The following CTIF variants were observed in gnomAD, a reference collection of about 807,000 sequenced individuals.
CTIF encodes the protein CBP80/20-dependent translation initiation factor.
A neutral mutation model predicts 66.0 loss-of-function variants in CTIF; 21 were observed. The observed-to-expected ratio is 0.32, with a 90% confidence interval of 0.23 to 0.46. The LOEUF (loss-of-function observed/expected upper bound fraction) is 0.46, where lower values mean the gene tolerates loss of function less well. Ranked by LOEUF, CTIF falls within the 20% of genes least tolerant of loss-of-function variation. The pLI is 1.00. For missense variants in CTIF, 739 were observed against 812.7 expected (o/e 0.91, Z 1.10); for synonymous variants, 345 against 326.4 (o/e 1.06, Z -0.62).
intron 6 of CTIF, among the ~76,000 whole-genome samples, chr18:48,679,818 G>A (rs543053597): frequency 9.8e-5 from 15 of 152,310 alleles, no homozygotes; most frequent in African/African-American, 3.6e-4. Flanking sequence ...CCATGCATTT[G>A]TGCCTCCTGG....
chr18:48,587,027 A>G (rs1183238323), intron 1 of CTIF, among the ~76,000 whole-genome samples: 13 of 150,796 alleles, frequency 8.6e-5, no homozygotes, highest in Non-Finnish European at 1.5e-5. Context: ...AACCTACACA[A>G]CCCACTGTGG....
At chr18:48,785,705 C>T (rs1911641703) in intron 9 of CTIF, among the ~76,000 whole-genome samples, 1 of 152,208 alleles carries the variant, frequency 6.6e-6, no homozygotes, top group Admixed American at 6.5e-5. Context: ...CTAGCTCTGA[C>T]CTCCGTGCCT....
chr18:48,738,423 C>G (rs1181147084), intron 7 of CTIF, among the ~76,000 whole-genome samples: 1 of 152,212 alleles, frequency 6.6e-6, no homozygotes, highest in Non-Finnish European at 1.5e-5. Flanking sequence ...TGATCTAGCT[C>G]TCACCACCTC....
intron 9 of CTIF, among the ~76,000 whole-genome samples, chr18:48,805,603 A>C (rs940878217): frequency 2.0e-5 from 3 of 152,220 alleles, no homozygotes; most frequent in Non-Finnish European, 2.9e-5. Flanking sequence ...GGGGGAAAAA[A>C]AATCCAATAA....
At chr18:48,681,699 C>T (rs1004259288) in intron 6 of CTIF, among the ~76,000 whole-genome samples, 1 of 152,196 alleles carries the variant, frequency 6.6e-6, no homozygotes, top group African/African-American at 2.4e-5. Context: ...TGCCAAGCCC[C>T]TGATCCAGCA....
intron 7 of CTIF, among the ~76,000 whole-genome samples, chr18:48,727,445 G>T (rs1479873544): frequency 6.6e-6 from 1 of 152,150 alleles, no homozygotes; most frequent in Non-Finnish European, 1.5e-5. Context: ...TGCTCAGATA[G>T]CTTCCTGCTG....
intron 3 of CTIF, among the ~76,000 whole-genome samples, chr18:48,652,473 C>G (rs1161612146): frequency 2.0e-5 from 3 of 152,096 alleles, no homozygotes; most frequent in Admixed American, 2.0e-4. Context: ...AACAGGCTCT[C>G]AAATTGAGGC....
At chr18:48,554,037 G>A (rs945043075) in intron 1 of CTIF, among the ~76,000 whole-genome samples, 9 of 152,168 alleles carry the variant, frequency 5.9e-5, no homozygotes, top group Non-Finnish European at 1.2e-4. Flanking sequence ...TGGATGGGAA[G>A]AGGCCTGCAG....
At chr18:48,685,898 A>G (rs942261891) in intron 6 of CTIF, among the ~76,000 whole-genome samples, 14 of 152,010 alleles carry the variant, frequency 9.2e-5, no homozygotes, top group Non-Finnish European at 2.1e-4. Context: ...GCTGATCTCA[A>G]GCTCCTGACC....
At chr18:48,582,298 G>T (rs1239302765) in intron 1 of CTIF, among the ~76,000 whole-genome samples, 5 of 152,222 alleles carry the variant, frequency 3.3e-5, no homozygotes, top group Non-Finnish European at 5.9e-5. Context: ...AGGGCAGGGA[G>T]GTCATGGACC....
At chr18:48,723,190 C>G (rs1001069739) in intron 7 of CTIF, among the ~76,000 whole-genome samples, 1 of 152,200 alleles carries the variant, frequency 6.6e-6, no homozygotes, top group African/African-American at 2.4e-5. Context: ...TGCTGGGCCC[C>G]TCCCTGGCTG....
intron 1 of CTIF, among the ~76,000 whole-genome samples, chr18:48,559,133 C>T (rs940313891): frequency 2.0e-5 from 3 of 152,088 alleles, no homozygotes; most frequent in African/African-American, 7.2e-5. Flanking sequence ...CTTCTCCTAA[C>T]TATCATCTTT....
At chr18:48,735,686 C>T (rs1379352740) in intron 7 of CTIF, among the ~76,000 whole-genome samples, 1 of 152,172 alleles carries the variant, frequency 6.6e-6, no homozygotes, top group African/African-American at 2.4e-5. Flanking sequence ...AGTTCCTACC[C>T]ATTTAGTTGG....
chr18:48,721,123 A>G (rs2092330965), intron 7 of CTIF, among the ~76,000 whole-genome samples: 1 of 152,184 alleles, frequency 6.6e-6, no homozygotes, highest in Non-Finnish European at 1.5e-5. Context: ...CTCTTTCTCG[A>G]TCACAATAAT....
At chr18:48,812,831 G>C (rs899863692) in intron 9 of CTIF, among the ~76,000 whole-genome samples, 3 of 151,906 alleles carry the variant, frequency 2.0e-5, no homozygotes, top group Admixed American at 6.6e-5. Context: ...GGGACTTCCG[G>C]AACACTGTGA....
At chr18:48,824,970 T>C (rs1271338342) in intron 10 of CTIF, among the ~76,000 whole-genome samples, 1 of 152,160 alleles carries the variant, frequency 6.6e-6, no homozygotes, top group Non-Finnish European at 1.5e-5. Flanking sequence ...CAAAGTTCCA[T>C]GCGCCTGTTT....
chr18:48,738,177 C>T (rs990266435), intron 7 of CTIF, among the ~76,000 whole-genome samples: 1 of 152,220 alleles, frequency 6.6e-6, no homozygotes, highest in East Asian at 1.9e-4. Flanking sequence ...AGTGGACCAT[C>T]AGCAGTTCCT....
chr18:48,759,144 C>T (rs1435428883), intron 8 of CTIF, among the ~76,000 whole-genome samples: 4 of 152,184 alleles, frequency 2.6e-5, no homozygotes, highest in African/African-American at 9.7e-5. Flanking sequence ...GTACTTGCAG[C>T]AGTAAGTCCA....
chr18:48,790,485 G>A (rs568976371), intron 9 of CTIF, among the ~76,000 whole-genome samples: 7 of 152,354 alleles, frequency 4.6e-5, no homozygotes, highest in Non-Finnish European at 7.4e-5. Context: ...CCAACAGGAC[G>A]CCCCATGGAG....
Sources: gnomAD v4.1 joint callset for allele counts (sites outside exome capture counted in the v4.1 genomes callset) on GRCh38, gnomAD v4.1.1 for gene constraint, MANE v1.5 for transcripts, NCBI Gene and HGNC (gene_info 2026-07-23, HGNC 2026-07-21) for gene names.